KLHL5: variants seen among roughly 807,000 people sequenced by gnomAD.
The protein encoded by KLHL5 is kelch like family member 5.
KLHL5 carries 48 observed loss-of-function variants against 77.7 expected under a neutral mutation model. The observed-to-expected ratio is 0.62, with a 90% confidence interval of 0.49 to 0.79. KLHL5 has a LOEUF of 0.79. Ranked by LOEUF, KLHL5 falls within the 30% of genes least tolerant of loss-of-function variation. The pLI, the probability that KLHL5 is intolerant of heterozygous loss-of-function variation, is 0.00. For synonymous variants in KLHL5, 260 were observed against 297.0 expected, an observed-to-expected ratio of 0.88 and a Z score of 1.28; for missense variants, 723 against 859.7, an observed-to-expected ratio of 0.84 and a Z score of 1.99.
Position 39,103,262 on chromosome 4 carries a change from ATAACTTC to A in KLHL5, c.1301-22_1301-16del. 6.6e-7 allele frequency: 1 copy of A among 1,519,128 alleles called. No individual in the cohort carries two copies. The highest frequency in any genetic ancestry group is 1.2e-5 in the South Asian group (1 of 84,502). 94.1% of individuals were successfully genotyped at this position (1,519,128 alleles called of 1,614,324 possible). On this transcript the variant is annotated intron_variant, in intron 6 of 10. Coordinates refer to ENST00000504108, the MANE Select transcript of KLHL5 (RefSeq NM_015990.5). ...CAATCATGGTATAATTTCTATTTAC[ATAACTTC>A]TATATATTACTATGAAGGAGCAACA...
intron 6 of KLHL5, among the ~76,000 whole-genome samples, chr4:39,099,468 A>G (rs575583769): frequency 6.6e-6 from 1 of 152,012 alleles, no homozygotes; most frequent in Non-Finnish European, 1.5e-5. Flanking sequence ...ACTTCTGGCT[A>G]CCTCTCTGAT....
Position 39,045,135 on chromosome 4 carries a change from G to T in KLHL5, c.-95+39G>T, listed in dbSNP as rs1173671389. ...CCTTCTCGGCATCGGGGAGGGGGCC[G>T]CCTCGGGCAGGGCCCGCTTCCCGCC... On this transcript the variant is annotated intron_variant, in intron 1 of 11. Transcript: ENST00000261425. The T allele has an allele frequency of 3.0e-6, 3 of 984,210 alleles. No homozygotes were observed. The African/African-American group carries it at 5.3e-5, about 17-fold the overall frequency. The allele number at this position is 984,210 out of a possible 1,614,324, so 61.0% of individuals were successfully genotyped here. A position where few individuals can be genotyped will look rare whatever the true frequency, so the allele number is the denominator to read the frequency against.
chr4:39,045,332 A>C (rs1006686179), intron 1 of KLHL5, among the ~76,000 whole-genome samples: 35 of 150,266 alleles, frequency 2.3e-4, no homozygotes, highest in African/African-American at 8.3e-4. Flanking sequence ...CCCGCTGCGC[A>C]CCCCCGAGCG....
Position 39,062,541 on chromosome 4 carries a change from T to G in KLHL5, c.-112T>G, listed in dbSNP as rs1465635745. ...TGAATGTGATTTATTTTCCTTTACATATTTTTGTTGTGTACAGCAGGGCAT... is the reference window on the plus strand; with the variant it reads ...TGAATGTGATTTATTTTCCTTTACAGATTTTTGTTGTGTACAGCAGGGCAT... On this transcript the variant is annotated 5_prime_UTR_variant, in exon 1 of 11. Transcript: ENST00000504108. The G allele has an allele frequency of 6.2e-7, 1 of 1,611,258 alleles. No individual in the cohort carries two copies. Among genetic ancestry groups the G allele is most frequent in the Non-Finnish European group, 8.5e-7 (1 of 1,177,890 alleles).
Position 39,126,125 on chromosome 4 carries a change from C to A in KLHL5, c.*5059C>A, listed in dbSNP as rs936462204. Among the ~76,000 whole-genome samples, 5 of 152,136 alleles carry A rather than the reference C, an allele frequency of 3.3e-5. No homozygotes were observed. Among genetic ancestry groups the A allele is most frequent in the Admixed American group, 2.0e-4 (3 of 15,282 alleles). On this transcript the variant is annotated 3_prime_UTR_variant, in exon 11 of 11. Coordinates refer to ENST00000504108, the MANE Select transcript of KLHL5 (RefSeq NM_015990.5). ...ATGGCAGGCATTCCACAAATGTTTT[C>A]TGAAAGTTGAAATAGACATCTTTTC...
At chr4:39,092,272 T>TA in intron 5 of KLHL5, among the ~76,000 whole-genome samples, 1 of 152,320 alleles carries the variant, frequency 6.6e-6, no homozygotes, top group East Asian at 1.9e-4. Context: ...TTCTAAATGA[T>TA]ACCTGGTTCC....
At chr4:39,141,731 A>G in the KLHL5 span, among the ~76,000 whole-genome samples, 1 of 152,076 alleles carries the variant, frequency 6.6e-6, no homozygotes, top group East Asian at 1.9e-4. Flanking sequence ...TGAGCCCAGG[A>G]GTTCGAGACC....
chr4:39,121,450 T>G lies in KLHL5; in HGVS notation c.*384T>G, dbSNP rs993388803. The G allele has an allele frequency of 1.7e-5, 3 of 173,020 alleles. No homozygotes were observed. Among genetic ancestry groups the G allele is most frequent in the African/African-American group, 4.7e-5 (2 of 42,168 alleles). 10.7% of individuals were successfully genotyped at this position (173,020 alleles called of 1,614,324 possible). A position where few individuals can be genotyped will look rare whatever the true frequency, so the allele number is the denominator to read the frequency against. On this transcript the variant is annotated 3_prime_UTR_variant, in exon 11 of 11. Transcript: ENST00000504108. ...CACACCAGATGAAACTTTAAAATGT[T>G]ACTTTTTGTAAGCTTATCATAAATG...
At chr4:39,062,199 A>T, upstream of KLHL5, 1 of 1,021,438 alleles carries the variant, frequency 9.8e-7, no homozygotes, top group Non-Finnish European at 1.2e-6. Context: ...CAGCAATGAA[A>T]GAGTTAATAT....
intron 5 of KLHL5, among the ~76,000 whole-genome samples, chr4:39,091,854 T>G (rs888865157): frequency 1.4e-5 from 2 of 142,116 alleles, no homozygotes; most frequent in Admixed American, 7.6e-5. Context: ...TTTTTTTTTT[T>G]TTTTTTTTTT....
chr4:39,125,492 G>A lies in KLHL5; in HGVS notation c.*4426G>A, dbSNP rs1466032071. On this transcript the variant is annotated 3_prime_UTR_variant, in exon 11 of 11. Transcript: ENST00000504108. ...TAAACAAATTGTGGTATCTCCACAC[G>A]GCACAATAGAATATTCAGCCATAAA... Among the ~76,000 whole-genome samples, 2 of 152,114 alleles carry A rather than the reference G, an allele frequency of 1.3e-5. No homozygotes were observed. Among genetic ancestry groups the A allele is most frequent in the East Asian group, 3.9e-4 (2 of 5,192 alleles).
chr4:39,124,135 C>T lies in KLHL5; in HGVS notation c.*3069C>T, dbSNP rs574280827. 1.1e-4 allele frequency among the ~76,000 whole-genome samples: 17 copies of T among 152,218 alleles called. No individual in the cohort carries two copies. The highest frequency in any genetic ancestry group is 4.1e-4 in the African/African-American group (17 of 41,550). On this transcript the variant is annotated 3_prime_UTR_variant, in exon 11 of 11. Coordinates refer to ENST00000504108, the MANE Select transcript of KLHL5 (RefSeq NM_015990.5). ...TGCAAGACTTGGACACTGAAAAGTA[C>T]AAAACGTTGCTGAAAGAAATTAAAG...
the KLHL5 span, among the ~76,000 whole-genome samples, chr4:39,136,914 AGC>A: frequency 1.3e-5 from 2 of 152,146 alleles, no homozygotes; most frequent in Non-Finnish European, 2.9e-5. Context: ...GGAGAGTGAG[AGC>A]CAAGCAGGAA....
At chr4:39,110,104 A>C (rs1022715368) in intron 8 of KLHL5, among the ~76,000 whole-genome samples, 2 of 152,220 alleles carry the variant, frequency 1.3e-5, no homozygotes, top group Non-Finnish European at 2.9e-5. Context: ...TCTTAAAAAT[A>C]CCTCAACATT....
chr4:39,096,733 T>G lies in KLHL5; in HGVS notation c.1155T>G (p.Asp385Glu), dbSNP rs1219241186. Residue 385 changes from aspartate (D) to glutamate (E), a missense_variant, in exon 6 of 11, where the codon GAT becomes GAG. By Grantham distance (45) the Asp-to-Glu change is conservative (BLOSUM62 2). Coordinates refer to ENST00000504108, the MANE Select transcript of KLHL5 (RefSeq NM_015990.5). ...AAAATAATGTACTTTTTCGGGATGATATAGAATGTCAGAAACTCATTATGG... is the reference window on the plus strand; with the variant it reads ...AAAATAATGTACTTTTTCGGGATGAGATAGAATGTCAGAAACTCATTATGG... ...DMENNVLFRD[D>E]IECQKLIMEA... 6.2e-7 allele frequency: 1 copy of G among 1,613,320 alleles called. No individual in the cohort carries two copies.
intron 1 of KLHL5, among the ~76,000 whole-genome samples, chr4:39,073,630 GTTA>G (rs1417393352): frequency 6.6e-6 from 1 of 151,518 alleles, no homozygotes; most frequent in East Asian, 1.9e-4. Context: ...AAATCTTCAA[GTTA>G]TTATTATTTT....
intron 2 of KLHL5, among the ~76,000 whole-genome samples, chr4:39,076,363 C>G (rs1346775287): frequency 6.6e-6 from 1 of 152,142 alleles, no homozygotes; most frequent in Non-Finnish European, 1.5e-5. Flanking sequence ...ACAAAACATA[C>G]TAGCCTCATA....
At chr4:39,111,525 CACAT>C (rs1265692170) in intron 8 of KLHL5, among the ~76,000 whole-genome samples, 1 of 152,132 alleles carries the variant, frequency 6.6e-6, no homozygotes, top group East Asian at 1.9e-4. Context: ...CGTGTGCACA[CACAT>C]ATGCATGTGT....
In KLHL5 at chr4:39,115,702, G is replaced by C. The variant is rs546855194; in HGVS notation, c.2073+372G>C. 1.6e-5 allele frequency: 19 copies of C among 1,197,404 alleles called. No individual in the cohort carries two copies. The African/African-American group carries it at 2.7e-4, about 17-fold the overall frequency. The allele number at this position is 1,197,404 out of a possible 1,614,324, so 74.2% of individuals were successfully genotyped here. A position where few individuals can be genotyped will look rare whatever the true frequency, so the allele number is the denominator to read the frequency against. Reference sequence around the variant, plus strand: ...CTTTGAACAACTTGCCCATGTGTGAGCAGTCGGATTTTTAAATACTCAACC... The same window carrying C: ...CTTTGAACAACTTGCCCATGTGTGACCAGTCGGATTTTTAAATACTCAACC... On this transcript the variant is annotated intron_variant, in intron 10 of 10. Coordinates refer to ENST00000504108, the MANE Select transcript of KLHL5 (RefSeq NM_015990.5).
Sources: gnomAD v4.1 joint callset for allele counts (sites outside exome capture counted in the v4.1 genomes callset) on GRCh38, gnomAD v4.1.1 for gene constraint, MANE v1.5 for transcripts, NCBI Gene and HGNC (gene_info 2026-07-23, HGNC 2026-07-21) for gene names.